The following MYO7B variants were observed in gnomAD, a reference collection of about 807,000 sequenced individuals.
The protein encoded by MYO7B is myosin VIIB.
Under a neutral mutation model 259.7 loss-of-function variants are expected in MYO7B, and 212 were observed. The ratio of observed to expected loss-of-function variants is 0.82; its 90% CI spans 0.73 to 0.91. The LOEUF (loss-of-function observed/expected upper bound fraction) is 0.91. MYO7B is among the 40% of genes least tolerant of loss of function. The pLI is 0.00. For synonymous variants in MYO7B, 1,197 were observed against 1,166.4 expected, an observed-to-expected ratio of 1.03 and a Z score of -0.54; for missense variants, 2,732 against 2,813.5, an observed-to-expected ratio of 0.97 and a Z score of 0.66.
At chr2:127,562,655 T>C (rs1330885266) in intron 2 of MYO7B, among the ~76,000 whole-genome samples, 2 of 151,996 alleles carry the variant, frequency 1.3e-5, no homozygotes, top group Admixed American at 1.3e-4. Flanking sequence ...ACCCGGCTAA[T>C]TTTTGTATTT....
intron 10 of MYO7B, among the ~76,000 whole-genome samples, chr2:127,581,152 C>A (rs1003657015): frequency 1.3e-5 from 2 of 152,196 alleles, no homozygotes; most frequent in Non-Finnish European, 2.9e-5. Flanking sequence ...TGGACCCCAA[C>A]CCACCCATCA....
At chr2:127,574,968 G>C (rs111733021) in intron 7 of MYO7B, among the ~76,000 whole-genome samples, 73 of 152,304 alleles carry the variant, frequency 4.8e-4, no homozygotes, top group African/African-American at 1.8e-3. Context: ...GAGTGTAAGG[G>C]GGTGCTCTCG....
In MYO7B at chr2:127,546,967, C is replaced by T. The variant is rs1693255140; in HGVS notation, c.-24+11136C>T. On this transcript the variant is annotated intron_variant, in intron 1 of 47. Coordinates refer to ENST00000409816, the MANE Select transcript of MYO7B (RefSeq NM_001393586.1). The surrounding 1 kb of genome is among the most constrained non-coding windows in gnomAD (Gnocchi z 4.2). ...ATCGACTCATCCATCCATCCATCCA[C>T]CAATCTATCCATCCATCAACCCATC... Among the ~76,000 whole-genome samples the T allele has an allele frequency of 6.6e-6, 1 of 151,948 alleles. No individual in the cohort carries two copies. Among genetic ancestry groups the T allele is most frequent in the South Asian group, 2.1e-4 (1 of 4,806 alleles).
chr2:127,635,694 C>T (rs551135304), intron 43 of MYO7B, 28 bp from the exon 44 acceptor site: 91 of 1,579,638 alleles, frequency 5.8e-5, no homozygotes, highest in Admixed American at 1.6e-4. Flanking sequence ...GCTGGAGACC[C>T]AGCATGCCCA....
intron 30 of MYO7B, 54 bp from the exon 31 acceptor site, chr2:127,625,314 G>A: frequency 6.9e-7 from 1 of 1,442,982 alleles, no homozygotes; most frequent in Non-Finnish European, 9.2e-7. Flanking sequence ...TCCTGGGGAA[G>A]GGGGGAGCTC....
intron 1 of MYO7B, among the ~76,000 whole-genome samples, chr2:127,547,506 G>T (rs1055211987): frequency 1.3e-5 from 2 of 152,180 alleles, no homozygotes; most frequent in Non-Finnish European, 2.9e-5. Flanking sequence ...AGTGTACCCT[G>T]GGGGGAAGAG....
intron 9 of MYO7B, among the ~76,000 whole-genome samples, chr2:127,578,839 C>T (rs1678991985): frequency 6.6e-6 from 1 of 152,066 alleles, no homozygotes; most frequent in Non-Finnish European, 1.5e-5. Flanking sequence ...AGAAATCGAT[C>T]CACAAAGATT....
chr2:127,634,869 C>G (rs1345163593), intron 42 of MYO7B, 186 bp downstream of exon 42: 3 of 662,196 alleles, frequency 4.5e-6, no homozygotes, highest in Non-Finnish European at 7.9e-6. Context: ...GGTGGCTGCA[C>G]CTTGGAGTGA....
chr2:127,613,824 C>T lies in MYO7B; in HGVS notation c.3398+1221C>T, dbSNP rs1402990879. On this transcript the variant is annotated intron_variant, in intron 26 of 47. Coordinates refer to ENST00000409816, the MANE Select transcript of MYO7B (RefSeq NM_001393586.1). The surrounding 1 kb of genome is among the most constrained non-coding windows in gnomAD (Gnocchi z 4.3). ...AGAATCCCTTTTTAGTTATTTTAGCCTTGGCTAGAGTACCTGGAGTCTGCC... is the reference window on the plus strand; with the variant it reads ...AGAATCCCTTTTTAGTTATTTTAGCTTTGGCTAGAGTACCTGGAGTCTGCC... 6.6e-6 allele frequency among the ~76,000 whole-genome samples: 1 copy of T among 152,180 alleles called. No individual in the cohort carries two copies. The highest frequency in any genetic ancestry group is 1.5e-5 in the Non-Finnish European group (1 of 68,034).
Position 127,608,598 on chromosome 2 carries a change from G to C in MYO7B, c.2644-110G>C. The C allele has an allele frequency of 5.1e-6, 6 of 1,184,992 alleles. No individual in the cohort carries two copies. In the South Asian group the frequency reaches 9.4e-5, roughly 19 times the overall value. The allele number at this position is 1,184,992 out of a possible 1,614,324, so 73.4% of individuals were successfully genotyped here. On this transcript the variant is annotated intron_variant, in intron 21 of 47. Transcript: ENST00000409816. Reference sequence around the variant, plus strand: ...ATATTGATTTGGACAAATGATGGCAGGATGAGGCTTACTTGGCTTCTGGGA... The same window carrying C: ...ATATTGATTTGGACAAATGATGGCACGATGAGGCTTACTTGGCTTCTGGGA...
rs1678207928 is a variant in MYO7B at position 127,563,842 on chromosome 2, C to A, written c.19-311C>A. Reference sequence around the variant, plus strand: ...CTCTCTTAACCACTCAGCCACACCACCTTCCTAAATAGTAGCCAAGTTTCT... The same window carrying A: ...CTCTCTTAACCACTCAGCCACACCAACTTCCTAAATAGTAGCCAAGTTTCT... On this transcript the variant is annotated intron_variant, in intron 2 of 47. Coordinates refer to ENST00000409816, the MANE Select transcript of MYO7B (RefSeq NM_001393586.1). Among the ~76,000 whole-genome samples the A allele has an allele frequency of 2.0e-5, 3 of 152,224 alleles. No homozygotes were observed. The South Asian group carries it at 6.2e-4, about 31-fold the overall frequency.
chr2:127,634,055 G>T, intron 40 of MYO7B, 121 bp from the exon 41 acceptor site: 1 of 762,904 alleles, frequency 1.3e-6, no homozygotes, highest in Middle Eastern at 2.4e-4. Flanking sequence ...CCCTGCTCAG[G>T]GCAGACCACA....
In MYO7B at chr2:127,636,701, C is replaced by A. The variant is rs764157027; in HGVS notation, c.6207+73C>A. ...CCTGTGCAGGTGGGGCTGCAGTCAT[C>A]TCTGCGGTGTGTCCTGCCTCTCTCC... On this transcript the variant is annotated intron_variant, in intron 46 of 47. Transcript: ENST00000409816. The surrounding 1 kb of genome is among the most constrained non-coding windows in gnomAD (Gnocchi z 4.5). 7 of 1,609,120 alleles carry A rather than the reference C, an allele frequency of 4.4e-6. No homozygotes were observed. The highest frequency in any genetic ancestry group is 1.7e-5 in the Admixed American group (1 of 59,328).
At chr2:127,630,943 C>G in intron 36 of MYO7B, 35 bp downstream of exon 36, 1 of 1,524,306 alleles carries the variant, frequency 6.6e-7, no homozygotes, top group Non-Finnish European at 8.9e-7. Context: ...CATTGCACCC[C>G]CACCTCCCAG....
At chr2:127,570,252 A>G (rs1437760453) in intron 6 of MYO7B, among the ~76,000 whole-genome samples, 1 of 152,166 alleles carries the variant, frequency 6.6e-6, no homozygotes. Context: ...GCTGGGCCAG[A>G]GTGAGGACTG....
At chr2:127,552,793 C>T (rs1482802161) in intron 1 of MYO7B, among the ~76,000 whole-genome samples, 1 of 152,182 alleles carries the variant, frequency 6.6e-6, no homozygotes, top group Non-Finnish European at 1.5e-5. Flanking sequence ...TGTCTTTTCC[C>T]ACCTGCCACC....
At chr2:127,570,924 A>T (rs1042088531) in intron 6 of MYO7B, among the ~76,000 whole-genome samples, 41 of 151,980 alleles carry the variant, frequency 2.7e-4, no homozygotes, top group African/African-American at 8.7e-4. Flanking sequence ...TGCATCAGTG[A>T]TTCATTCCTT....
intron 1 of MYO7B, among the ~76,000 whole-genome samples, chr2:127,537,726 G>C (rs1313017569): frequency 6.6e-6 from 1 of 152,022 alleles, no homozygotes; most frequent in Non-Finnish European, 1.5e-5. Context: ...GAAGGAGAAG[G>C]AGGAGGAGGA....
intron 1 of MYO7B, among the ~76,000 whole-genome samples, chr2:127,549,859 A>T (rs952701013): frequency 6.6e-6 from 1 of 152,170 alleles, no homozygotes; most frequent in African/African-American, 2.4e-5. Context: ...GGGCTGGCAG[A>T]TCAGTGGGAA....
Sources: gnomAD v4.1 joint callset for allele counts (sites outside exome capture counted in the v4.1 genomes callset) on GRCh38, gnomAD v4.1.1 for gene constraint, Gnocchi (gnomAD v3.1) non-coding constraint, MANE v1.5 for transcripts, NCBI Gene and HGNC (gene_info 2026-07-23, HGNC 2026-07-21) for gene names.